The following FGF1 variants were observed in gnomAD, a reference collection of about 807,000 sequenced individuals.
The protein encoded by FGF1 is beta-endothelial cell growth factor.
FGF1 carries 9 observed loss-of-function variants against 13.4 expected under a neutral mutation model. That is an observed-to-expected ratio of 0.67 (90% CI 0.40 to 1.17). The LOEUF (loss-of-function observed/expected upper bound fraction) is 1.17, where lower values mean the gene tolerates loss of function less well. FGF1 is among the 50% of genes most tolerant of loss of function. The pLI, the probability that FGF1 is intolerant of heterozygous loss-of-function variation, is 0.01. For missense variants in FGF1, 156 were observed against 192.7 expected, an observed-to-expected ratio of 0.81 and a Z score of 1.13; for synonymous variants, 93 against 79.0, an observed-to-expected ratio of 1.18 and a Z score of -0.94.
intron 2 of FGF1, among the ~76,000 whole-genome samples, chr5:142,602,246 G>A (rs1327595336): frequency 2.6e-5 from 4 of 151,474 alleles, no homozygotes; most frequent in African/African-American, 4.9e-5. Context: ...GCGCGATCTC[G>A]GCTCACTGCA....
chr5:142,595,114 G>A lies in FGF1; in HGVS notation c.*176C>T, dbSNP rs17217555. On this transcript the variant is annotated 3_prime_UTR_variant, in exon 4 of 4. Transcript: ENST00000337706. ...TGGTCCCTCTGTTCTAAACTGTGCAGGGGTAAAAGGCTCTGCAAAGAAGTG... is the reference window on the plus strand; with the variant it reads ...TGGTCCCTCTGTTCTAAACTGTGCAAGGGTAAAAGGCTCTGCAAAGAAGTG... The A allele has an allele frequency of 1.4e-3, 825 of 590,264 alleles. 6 individuals are homozygous for A. The highest frequency in any genetic ancestry group is 0.014 in the African/African-American group (744 of 53,598). The allele number at this position is 590,264 out of a possible 1,614,324, so 36.6% of individuals were successfully genotyped here. A position where few individuals can be genotyped will look rare whatever the true frequency, so the allele number is the denominator to read the frequency against.
At chr5:142,685,491 A>G (rs1203188521) in intron 1 of FGF1, 1 of 152,206 alleles carries the variant, frequency 6.6e-6, no homozygotes, top group Non-Finnish European at 1.5e-5. Flanking sequence ...AATGCTAGCC[A>G]CACTCACCAC....
chr5:142,663,549 A>C (rs1195900016), intron 1 of FGF1, among the ~76,000 whole-genome samples: 1 of 152,210 alleles, frequency 6.6e-6, no homozygotes, highest in Non-Finnish European at 1.5e-5. Flanking sequence ...GATAGCCAAG[A>C]GGTCGAGACA....
intron 1 of FGF1, among the ~76,000 whole-genome samples, chr5:142,652,103 A>G (rs1483345688): frequency 6.6e-6 from 1 of 152,156 alleles, no homozygotes; most frequent in Non-Finnish European, 1.5e-5. Flanking sequence ...AGACCCAGAG[A>G]AGTTAAATAA....
chr5:142,635,631 A>G (rs908558203), intron 1 of FGF1, among the ~76,000 whole-genome samples: 1 of 152,212 alleles, frequency 6.6e-6, no homozygotes, highest in African/African-American at 2.4e-5. Context: ...AAGGCACAGG[A>G]CATACCATGG....
In FGF1 at chr5:142,618,921, G is replaced by GTTTTTTTTTTTTTTTTTTTT. The variant is rs1343286807; in HGVS notation, c.-34-4761_-34-4760insAAAAAAAAAAAAAAAAAAAA. The stretch of plus-strand genomic sequence containing the variant: ...GGCAAACACTGACATTTATTTTTTA[G>GTTTTTTTTTTTTTTTTTTTT]TTGTTTTGTTTTTTTTTTTTTTTTT... On this transcript the variant is annotated intron_variant, in intron 1 of 3. Transcript: ENST00000337706. Among the ~76,000 whole-genome samples the GTTTTTTTTTTTTTTTTTTTT allele has an allele frequency of 5.5e-5, 6 of 108,374 alleles. No individual in the cohort carries two copies. The East Asian group carries it at 1.5e-3, about 27-fold the overall frequency. 71.1% of individuals were successfully genotyped at this position (108,374 alleles called of 152,430 possible). A position where few individuals can be genotyped will look rare whatever the true frequency, so the allele number is the denominator to read the frequency against.
intron 1 of FGF1, among the ~76,000 whole-genome samples, chr5:142,667,633 G>A (rs984834218): frequency 6.6e-5 from 10 of 151,864 alleles, no homozygotes; most frequent in South Asian, 4.2e-4. Flanking sequence ...AAAAATCGCC[G>A]GCTTTTAGTC....
intron 1 of FGF1, among the ~76,000 whole-genome samples, chr5:142,619,080 G>A (rs1272747499): frequency 2.6e-5 from 4 of 151,768 alleles, no homozygotes; most frequent in Admixed American, 6.6e-5. Context: ...GACTACAGGC[G>A]CCTGCCACCG....
upstream of FGF1, among the ~76,000 whole-genome samples, chr5:142,689,137 A>G (rs1270025272): frequency 6.6e-5 from 10 of 152,166 alleles, no homozygotes; most frequent in Admixed American, 2.6e-4. Flanking sequence ...TGCCTTAAAA[A>G]TTCCCCTTCA....
chr5:142,645,193 G>C (rs936359271), intron 1 of FGF1, among the ~76,000 whole-genome samples: 1 of 152,186 alleles, frequency 6.6e-6, no homozygotes, highest in East Asian at 1.9e-4. Context: ...AAACATTTAG[G>C]TGGGGCCAGC....
chr5:142,600,425 GA>G (rs762396195), intron 3 of FGF1, among the ~76,000 whole-genome samples: 27 of 152,150 alleles, frequency 1.8e-4, no homozygotes, highest in Non-Finnish European at 3.1e-4. Flanking sequence ...AATGGGATTA[GA>G]TATTCTAAAA....
intron 1 of FGF1, among the ~76,000 whole-genome samples, chr5:142,640,540 G>A (rs528026875): frequency 5.3e-5 from 8 of 151,980 alleles, no homozygotes; most frequent in Admixed American, 3.3e-4. Flanking sequence ...CTTGTGATGC[G>A]CATGAGCAGG....
intron 1 of FGF1, among the ~76,000 whole-genome samples, chr5:142,626,071 C>A (rs1446500885): frequency 6.6e-6 from 1 of 152,136 alleles, no homozygotes; most frequent in Non-Finnish European, 1.5e-5. Flanking sequence ...AATATAATGA[C>A]CCTTCTTGAA....
chr5:142,617,558 G>T (rs1416671539), intron 1 of FGF1, among the ~76,000 whole-genome samples: 1 of 152,068 alleles, frequency 6.6e-6, no homozygotes, highest in East Asian at 1.9e-4. Context: ...CTCTCTGCCT[G>T]ATCCCCTCAG....
intron 1 of FGF1, among the ~76,000 whole-genome samples, chr5:142,650,650 C>T (rs13353912): frequency 0.1 from 15,939 of 151,808 alleles, 1,676 homozygotes; most frequent in African/African-American, 0.27. Flanking sequence ...TGCATATACA[C>T]TTTATATGTG....
chr5:142,620,118 C>T (rs71587225), intron 1 of FGF1, among the ~76,000 whole-genome samples: 37,918 of 151,426 alleles, frequency 0.25, 5,810 homozygotes, highest in Non-Finnish European at 0.35. Context: ...CAAATGTTAA[C>T]AAAAAAATTG....
intron 2 of FGF1, among the ~76,000 whole-genome samples, chr5:142,693,881 C>A (rs1350244749): frequency 6.6e-6 from 1 of 152,106 alleles, no homozygotes; most frequent in African/African-American, 2.4e-5. Context: ...AATAATATTT[C>A]ATTGCATGGA....
intron 1 of FGF1, among the ~76,000 whole-genome samples, chr5:142,630,190 C>T (rs1763144265): frequency 6.6e-6 from 1 of 152,114 alleles, no homozygotes; most frequent in African/African-American, 2.4e-5. Flanking sequence ...CCATGCCTGG[C>T]TTAAAATATG....
chr5:142,647,934 G>C (rs566522526), intron 1 of FGF1, among the ~76,000 whole-genome samples: 1 of 152,082 alleles, frequency 6.6e-6, no homozygotes, highest in Non-Finnish European at 1.5e-5. Context: ...AAGTACAAAA[G>C]ATTAGCTGGG....
Sources: allele counts gnomAD v4.1 joint callset (sites outside exome capture counted in the v4.1 genomes callset), GRCh38; gene constraint gnomAD v4.1.1; transcripts MANE v1.5; gene names NCBI Gene and HGNC (gene_info 2026-07-23, HGNC 2026-07-21).